Variants in MON2 observed in about 807,000 individuals in gnomAD.
MON2 encodes protein MON2 homolog.
Under a neutral mutation model 208.6 loss-of-function variants are expected in MON2, and 84 were observed. That is an observed-to-expected ratio of 0.40 (90% confidence interval 0.34 to 0.48). MON2 has a LOEUF of 0.48. Among genes scored for constraint, MON2 ranks in the 20% least tolerant of loss-of-function variants. The probability of loss-of-function intolerance (pLI) is 0.59; values close to 1 mark genes in which losing one functional copy is unlikely to be tolerated. For synonymous variants in MON2, 660 were observed against 694.0 expected, an observed-to-expected ratio of 0.95 and a Z score of 0.77; for missense variants, 1,611 against 2,015.4, an observed-to-expected ratio of 0.80 and a Z score of 3.84.
Position 62,560,914 on chromosome 12 carries a change from A to G in MON2, c.3833A>G (p.Gln1278Arg). Residue 1278 changes from glutamine to arginine, a missense_variant, in exon 26 of 35, where the codon CAG becomes CGG. By Grantham distance (43) the Gln-to-Arg change is conservative. Transcript: ENST00000393630. ...CAGCCTTTTCTTACAGCTTTAATTC[A>G]GATATTTCCAGCTCTCTACCAACAC... ...PSQPFLTALI[Q>R]IFPALYQHIK... is the part of the protein sequence containing the mutation. 6.2e-7 allele frequency: 1 copy of G among 1,613,812 alleles called. No homozygotes were observed. Among genetic ancestry groups the G allele is most frequent in the Non-Finnish European group, 8.5e-7 (1 of 1,179,728 alleles).
chr12:62,571,548 G>A lies in MON2; in HGVS notation c.4480G>A (p.Ala1494Thr). 1 of 1,611,838 alleles carries A rather than the reference G, an allele frequency of 6.2e-7. No homozygotes were observed. Among genetic ancestry groups the A allele is most frequent in the East Asian group, 2.2e-5 (1 of 44,820 alleles). The change falls in exon 30 of 35, where the codon GCC becomes ACC. Residue 1494 changes from alanine (A) to threonine (T), a missense_variant. By Grantham distance (58) the Ala-to-Thr change is moderately conservative. Coordinates refer to ENST00000393630, the MANE Select transcript of MON2 (RefSeq NM_015026.3). The part of the protein sequence containing the change: ...GKFDSMWPEL[A>T]NTFEDFLFTK... ...ATTTGACAGTATGTGGCCAGAACTA[G>A]CCAATACTTTTGAAGATTTTCTCTT...
intron 8 of MON2, among the ~76,000 whole-genome samples, chr12:62,515,282 A>G (rs1023882068): frequency 6.6e-6 from 1 of 152,196 alleles, no homozygotes; most frequent in Non-Finnish European, 1.5e-5. Flanking sequence ...CAGTGTATAC[A>G]TATGTTGGAA....
intron 9 of MON2, 85 bp from the exon 10 acceptor site, chr12:62,524,999 T>C (rs1262957195): frequency 3.0e-5 from 35 of 1,158,410 alleles, no homozygotes; most frequent in Non-Finnish European, 3.4e-5. Context: ...GTAACTCTTA[T>C]AGTAATATCA....
chr12:62,554,353 A>C lies in MON2; in HGVS notation c.3210+1179A>C, dbSNP rs2073875018. Among the ~76,000 whole-genome samples the C allele has an allele frequency of 2.6e-5, 4 of 152,318 alleles. No individual in the cohort carries two copies. The South Asian group carries it at 8.3e-4, about 32-fold the overall frequency. Reference sequence around the variant, plus strand: ...AGCCACTATTGTCAGCCCTCCCTGAACTTGAGTTTCTGATTATTTTGGCCT... The same window carrying C: ...AGCCACTATTGTCAGCCCTCCCTGACCTTGAGTTTCTGATTATTTTGGCCT... On this transcript the variant is annotated intron_variant, in intron 24 of 34. Coordinates refer to ENST00000393630, the MANE Select transcript of MON2 (RefSeq NM_015026.3).
intron 33 of MON2, chr12:62,585,790 A>G (rs1025426395): frequency 4.8e-6 from 1 of 208,302 alleles, no homozygotes; most frequent in Non-Finnish European, 9.6e-6. Flanking sequence ...GAATTCCAAA[A>G]TATATCTTCT....
At chr12:62,545,896 C>A (rs2073462650) in intron 21 of MON2, among the ~76,000 whole-genome samples, 1 of 152,012 alleles carries the variant, frequency 6.6e-6, no homozygotes, top group African/African-American at 2.4e-5. Flanking sequence ...AAAAATAATA[C>A]CCTTTTCCAT....
chr12:62,495,260 AT>A, intron 4 of MON2, 113 bp downstream of exon 4: 3 of 860,518 alleles, frequency 3.5e-6, no homozygotes, highest in Non-Finnish European at 5.2e-6. Context: ...CCCTACAGCT[AT>A]GGTGATGATT....
rs1268435235 is a variant in MON2, at chr12:62,537,201, T to A, written c.1951T>A (p.Ser651Thr). 11 of 1,613,456 alleles carry A rather than the reference T, an allele frequency of 6.8e-6. No individual in the cohort carries two copies. In the South Asian group the frequency reaches 1.1e-4, roughly 16 times the overall value. Residue 651 changes from serine to threonine, a missense_variant, in exon 15 of 35, where the codon TCT becomes ACT. By Grantham distance (58) the Ser-to-Thr change is moderately conservative. Coordinates refer to ENST00000393630, the MANE Select transcript of MON2 (RefSeq NM_015026.3). ...TATGATGATAAGTCCATCAAGTGAA[T>A]CTCACCAACAAGTTGTGGCAGTGGG... ...SVMMISPSSE[S>T]HQQVVAVGQP...
At chr12:62,505,443 A>G (rs975625986) in intron 7 of MON2, among the ~76,000 whole-genome samples, 2 of 152,220 alleles carry the variant, frequency 1.3e-5, no homozygotes, top group Admixed American at 1.3e-4. Context: ...GAAGCTCAAC[A>G]TTAAACAGTT....
intron 11 of MON2, among the ~76,000 whole-genome samples, chr12:62,529,902 A>G (rs958338166): frequency 6.6e-6 from 1 of 152,042 alleles, no homozygotes; most frequent in Admixed American, 6.5e-5. Flanking sequence ...GGTAAATGTG[A>G]TATTTTGATA....
intron 29 of MON2, among the ~76,000 whole-genome samples, chr12:62,567,100 A>G (rs10128959): frequency 0.38 from 58,166 of 151,922 alleles, 11,481 homozygotes; most frequent in African/African-American, 0.47. Flanking sequence ...ATTGTGTTCC[A>G]TTCCTCTAAG....
Position 62,532,487 on chromosome 12 carries a change from G to A in MON2, c.1450G>A (p.Ala484Thr), listed in dbSNP as rs2072702238. The A allele has an allele frequency of 3.7e-6, 6 of 1,613,998 alleles. No homozygotes were observed. Among genetic ancestry groups the A allele is most frequent in the South Asian group, 1.1e-5 (1 of 91,080 alleles). Residue 484 changes from alanine (A) to threonine (T), a missense_variant, in exon 12 of 35, where the codon GCC becomes ACC. Ala to Thr is a moderately conservative substitution (Grantham distance 58). Coordinates refer to ENST00000393630, the MANE Select transcript of MON2 (RefSeq NM_015026.3). Reference protein sequence around the residue: ...VEPPTIPEGYAMSVAFHCLLD... With the variant: ...VEPPTIPEGYTMSVAFHCLLD... ...GCCTCCAACTATACCTGAAGGTTAC[G>A]CCATGTCTGTGGCATTCCATTGTTT...
At chr12:62,482,334 T>C (rs1175200006) in intron 1 of MON2, 2 of 152,262 alleles carry the variant, frequency 1.3e-5, no homozygotes, top group Non-Finnish European at 2.9e-5. Context: ...AGAAGTCTAC[T>C]GCACATGGTA....
chr12:62,510,618 A>G (rs2071346095), intron 8 of MON2, among the ~76,000 whole-genome samples: 1 of 152,224 alleles, frequency 6.6e-6, no homozygotes, highest in Non-Finnish European at 1.5e-5. Flanking sequence ...ACAAACTAGG[A>G]ATAGAACTAA....
At chr12:62,586,525 T>C (rs2075225608) in intron 33 of MON2, among the ~76,000 whole-genome samples, 1 of 152,210 alleles carries the variant, frequency 6.6e-6, no homozygotes, top group Non-Finnish European at 1.5e-5. Context: ...GAATGAAAAA[T>C]AGTCATGTGG....
At position 62,599,163 on chromosome 12, in the gene MON2, T is replaced by C. The variant is rs2075581818; in HGVS notation, c.*6414T>C. 6.6e-6 allele frequency: 1 copy of C among 152,176 alleles called. No homozygotes were observed. Among genetic ancestry groups the C allele is most frequent in the Admixed American group, 6.5e-5 (1 of 15,280 alleles). 9.4% of individuals were successfully genotyped at this position (152,176 alleles called of 1,614,324 possible). On this transcript the variant is annotated 3_prime_UTR_variant, in exon 35 of 35. Coordinates refer to ENST00000393630, the MANE Select transcript of MON2 (RefSeq NM_015026.3). ...AGGGGAAATGTTCTTGAGAGCTTTA[T>C]TAAAACCATTAATATATAAAATGAA...
chr12:62,495,689 CAAAAAAAAAAAAAA>C (rs56155110), intron 4 of MON2, among the ~76,000 whole-genome samples: 48 of 108,502 alleles, frequency 4.4e-4, no homozygotes, highest in Non-Finnish European at 5.3e-4. Context: ...GACTCCGTCT[CAAAAAAAAAAAAAA>C]AAAAAAAAAA....
In MON2 at chr12:62,594,253, C is replaced by T. The variant is rs755428341; in HGVS notation, c.*1504C>T. ...CTTCTCCAGAATAATCATAAAACTG[C>T]AAAAAGATATTATAATTGAGTCATG... On this transcript the variant is annotated 3_prime_UTR_variant, in exon 35 of 35. Transcript: ENST00000393630. 6 of 151,874 alleles carry T rather than the reference C, an allele frequency of 4.0e-5. No homozygotes were observed. Among genetic ancestry groups the T allele is most frequent in the African/African-American group, 9.7e-5 (4 of 41,354 alleles). 9.4% of individuals were successfully genotyped at this position (151,874 alleles called of 1,614,324 possible).
intron 8 of MON2, among the ~76,000 whole-genome samples, chr12:62,523,824 C>T (rs1175685178): frequency 1.3e-5 from 2 of 152,150 alleles, no homozygotes; most frequent in African/African-American, 2.4e-5. Context: ...GTAACAAAAA[C>T]AATCCATTTA....
Sources: allele counts gnomAD v4.1 joint callset (sites outside exome capture counted in the v4.1 genomes callset), GRCh38; gene constraint gnomAD v4.1.1; transcripts MANE v1.5; gene names NCBI Gene and HGNC (gene_info 2026-07-23, HGNC 2026-07-21).